VPS16: variants seen among roughly 807,000 people sequenced by gnomAD.
VPS16 encodes the protein VPS16 core subunit of CORVET and HOPS complexes.
In VPS16, 82 loss-of-function variants were observed where a neutral mutation model predicts 116.0. The ratio of observed to expected loss-of-function variants is 0.71; its 90% CI spans 0.59 to 0.85. The LOEUF is 0.85. Ranked by LOEUF, VPS16 falls within the 40% of genes least tolerant of loss-of-function variation. The pLI is 0.00. For synonymous variants in VPS16, 406 were observed against 420.7 expected, an observed-to-expected ratio of 0.96 and a Z score of 0.43; for missense variants, 928 against 1,090.6, an observed-to-expected ratio of 0.85 and a Z score of 2.10.
chr20:2,864,903 G>A lies in VPS16; in HGVS notation c.1927-75G>A. 1.3e-6 allele frequency: 2 copies of A among 1,594,784 alleles called. No homozygotes were observed. The highest frequency in any genetic ancestry group is 1.7e-6 in the Non-Finnish European group (2 of 1,164,412). ...CGACCCTGGGCACAGGGATGGGGGA[G>A]AAGACTGTAGCCTGGGTGAGGAGGG... On this transcript the variant is annotated intron_variant, in intron 19 of 23. Transcript: ENST00000380445. This position sits in a 1 kb window ranked among gnomAD's most constrained non-coding sequence, Gnocchi z 5.2.
intron 12 of VPS16, 48 bp from the exon 13 acceptor site, chr20:2,862,759 G>GGGC: frequency 7.7e-6 from 6 of 777,184 alleles, no homozygotes; most frequent in Non-Finnish European, 1.3e-5. Flanking sequence ...GAGGGGGTGG[G>GGGC]ATGGGCAGCA....
rs2089327208 is a variant in VPS16 at position 2,865,697 on chromosome 20, T to C, written c.2271+202T>C. 1.3e-5 allele frequency among the ~76,000 whole-genome samples: 2 copies of C among 152,198 alleles called. No individual in the cohort carries two copies. Among genetic ancestry groups the C allele is most frequent in the Admixed American group, 6.5e-5 (1 of 15,286 alleles). On this transcript the variant is annotated intron_variant, in intron 22 of 23. Transcript: ENST00000380445. The surrounding 1 kb of genome is among the most constrained non-coding windows in gnomAD (Gnocchi z 5.2). ...ACTGGAGGATGGGTCCAAGTTTGCC[T>C]GCAGATGTTACGGGGAGAGAGAATG...
chr20:2,861,435 C>T (rs2089226452), intron 8 of VPS16, among the ~76,000 whole-genome samples, 155 bp downstream of exon 8: 1 of 152,182 alleles, frequency 6.6e-6, no homozygotes, highest in Admixed American at 6.5e-5. Context: ...AACCATTGTC[C>T]TCTGTGGGCC....
At chr20:2,861,527 G>A in intron 8 of VPS16, 88 bp from the exon 9 acceptor site, 1 of 1,470,384 alleles carries the variant, frequency 6.8e-7, no homozygotes, top group Non-Finnish European at 9.2e-7. Flanking sequence ...GTGTATACAG[G>A]CTGTCCCGAG....
At chr20:2,849,354 G>A (rs1456885183) in intron 1 of VPS16, among the ~76,000 whole-genome samples, 2 of 145,008 alleles carry the variant, frequency 1.4e-5, no homozygotes, top group East Asian at 2.0e-4. Flanking sequence ...AGACTGTAGT[G>A]CAATGGCACG....
intron 1 of VPS16, among the ~76,000 whole-genome samples, chr20:2,857,546 G>A (rs2089185121): frequency 6.7e-6 from 1 of 149,186 alleles, no homozygotes; most frequent in East Asian, 2.0e-4. Flanking sequence ...TCACTCTGTC[G>A]CCCAGGCAGC....
chr20:2,864,174 C>T lies in VPS16; in HGVS notation c.1612-5C>T, dbSNP rs1246426900. On this transcript the variant is annotated splice_polypyrimidine_tract_variant and splice_region_variant and intron_variant, in intron 16 of 23. Coordinates refer to ENST00000380445, the MANE Select transcript of VPS16 (RefSeq NM_022575.4). This position sits in a 1 kb window ranked among gnomAD's most constrained non-coding sequence, Gnocchi z 5.2. The stretch of plus-strand genomic sequence containing the variant: ...TCTCTCTGTGCCTTCCTTCTCACCT[C>T]ACAGCTGCTGGAGTATGAGCCACGC... 3 of 1,614,206 alleles carry T rather than the reference C, an allele frequency of 1.9e-6. No homozygotes were observed. The highest frequency in any genetic ancestry group is 1.3e-5 in the African/African-American group (1 of 75,068).
At chr20:2,840,885 G>A (rs921442638) in intron 1 of VPS16, 58 bp downstream of exon 1, 3 of 1,503,390 alleles carry the variant, frequency 2.0e-6, no homozygotes, top group Admixed American at 2.0e-5. Context: ...CCGCCGGCTG[G>A]AGTCTCCCGG....
chr20:2,864,894 G>A lies in VPS16; in HGVS notation c.1927-84G>A, dbSNP rs2089302879. The A allele has an allele frequency of 4.4e-6, 7 of 1,581,992 alleles. No homozygotes were observed. The highest frequency in any genetic ancestry group is 1.3e-5 in the African/African-American group (1 of 74,240). ...TGACCCTGGCGACCCTGGGCACAGGGATGGGGGAGAAGACTGTAGCCTGGG... is the reference window on the plus strand; with the variant it reads ...TGACCCTGGCGACCCTGGGCACAGGAATGGGGGAGAAGACTGTAGCCTGGG... On this transcript the variant is annotated intron_variant, in intron 19 of 23. Coordinates refer to ENST00000380445, the MANE Select transcript of VPS16 (RefSeq NM_022575.4). This position sits in a 1 kb window ranked among gnomAD's most constrained non-coding sequence, Gnocchi z 5.2.
In VPS16 at chr20:2,860,888, G is replaced by A; in HGVS notation, c.630+25G>A. 1 of 1,614,126 alleles carries A rather than the reference G, an allele frequency of 6.2e-7. No individual in the cohort carries two copies. Among genetic ancestry groups the A allele is most frequent in the Non-Finnish European group, 8.5e-7 (1 of 1,180,050 alleles). On this transcript the variant is annotated intron_variant, in intron 6 of 23. Coordinates refer to ENST00000380445, the MANE Select transcript of VPS16 (RefSeq NM_022575.4). This position sits in a 1 kb window ranked among gnomAD's most constrained non-coding sequence, Gnocchi z 6.1. ...GGTAAGGGCCCTGAGTGGGAATGAAGTGGACGGGCTGGGTTAGGCAATAGG... is the reference window on the plus strand; with the variant it reads ...GGTAAGGGCCCTGAGTGGGAATGAAATGGACGGGCTGGGTTAGGCAATAGG...
At position 2,865,477 on chromosome 20, in the gene VPS16, A is replaced by G. The variant is rs761576596; in HGVS notation, c.2253A>G (p.Lys751=). 5.7e-5 allele frequency: 92 copies of G among 1,613,878 alleles called. No individual in the cohort carries two copies. The highest frequency in any genetic ancestry group is 7.5e-5 in the Non-Finnish European group (89 of 1,179,998). Residue 751 remains lysine, a synonymous_variant, in exon 22 of 24, where the codon AAA becomes AAG. Coordinates refer to ENST00000380445, the MANE Select transcript of VPS16 (RefSeq NM_022575.4). This position sits in a 1 kb window ranked among gnomAD's most constrained non-coding sequence, Gnocchi z 5.2. ...TAGAGAAGTTTTCCAAGAGCAAGAA[A>G]TCACCCATTGGCTACCTGGTGAGGC... ...EELEKFSKSK[K]SPIGYLPFVE... is the part of the protein sequence containing the mutation.
intron 8 of VPS16, 40 bp from the exon 9 acceptor site, chr20:2,861,575 A>G: frequency 6.4e-7 from 1 of 1,571,318 alleles, no homozygotes; most frequent in Non-Finnish European, 8.6e-7. Context: ...AGACATGGCC[A>G]TGGGACAGTG....
rs767692351 is a variant in VPS16 at position 2,864,509 on chromosome 20, G to A, written c.1819-38G>A. On this transcript the variant is annotated intron_variant, in intron 18 of 23. Transcript: ENST00000380445. This position sits in a 1 kb window ranked among gnomAD's most constrained non-coding sequence, Gnocchi z 5.2. ...GTGGTGTAGCCTTCTGAGCACTTGA[G>A]TTGGCCTTGCTGACTGATTGCCTGC... 1.3e-5 allele frequency: 21 copies of A among 1,614,144 alleles called. No individual in the cohort carries two copies. The highest frequency in any genetic ancestry group is 1.7e-5 in the Non-Finnish European group (20 of 1,180,008).
chr20:2,859,900 T>G, intron 2 of VPS16, 93 bp downstream of exon 2: 3 of 1,488,200 alleles, frequency 2.0e-6, no homozygotes, highest in Non-Finnish European at 2.8e-6. Context: ...TTGTTCTTGT[T>G]GCCACCCCCC....
rs375923174 is a variant in VPS16 at position 2,845,007 on chromosome 20, GGTGTGTGTGTGT to G, written c.53+4205_53+4216del. Among the ~76,000 whole-genome samples, 88 of 144,112 alleles carry G rather than the reference GGTGTGTGTGTGT, an allele frequency of 6.1e-4. 1 individual carries two copies. In the South Asian group the frequency reaches 0.018, roughly 29 times the overall value. The allele number at this position is 144,112 out of a possible 152,430, so 94.5% of individuals were successfully genotyped here. Reference sequence around the variant, plus strand: ...GGTTGATGTAATTGGATTTGCAAGGGGTGTGTGTGTGTGTGTGTGTGTGTGTGTGTGTGTGTT... The same window carrying G: ...GGTTGATGTAATTGGATTTGCAAGGGGTGTGTGTGTGTGTGTGTGTGTGTT... On this transcript the variant is annotated intron_variant, in intron 1 of 23. Transcript: ENST00000380445.
At chr20:2,856,330 A>G (rs1345614183) in intron 1 of VPS16, among the ~76,000 whole-genome samples, 1 of 152,244 alleles carries the variant, frequency 6.6e-6, no homozygotes, top group East Asian at 1.9e-4. Flanking sequence ...TAGTAGTAAC[A>G]TCACTGATCA....
At position 2,864,039 on chromosome 20, in the gene VPS16, G is replaced by A. The variant is rs1225145502; in HGVS notation, c.1567G>A (p.Ala523Thr). Reference protein sequence around the residue: ...DTPGVSYSDIAARAYGCGRTE... With the variant: ...DTPGVSYSDITARAYGCGRTE... ...GCCTGGTGTCTCTTACTCCGACATTGCTGCACGAGCCTATGGTTGTGGCCG... is the reference window on the plus strand; with the variant it reads ...GCCTGGTGTCTCTTACTCCGACATTACTGCACGAGCCTATGGTTGTGGCCG... The change falls in exon 16 of 24, where the codon GCT (alanine) becomes ACT (threonine). Residue 523 changes from alanine to threonine, a missense_variant. By Grantham distance (58) the Ala-to-Thr change is moderately conservative. Transcript: ENST00000380445. This position sits in a 1 kb window ranked among gnomAD's most constrained non-coding sequence, Gnocchi z 5.2. 2.5e-6 allele frequency: 4 copies of A among 1,614,070 alleles called. No individual in the cohort carries two copies. The Admixed American group carries it at 6.7e-5, about 27-fold the overall frequency.
chr20:2,862,635 G>A lies in VPS16; in HGVS notation c.1128G>A (p.Leu376=). 1.2e-6 allele frequency: 2 copies of A among 1,613,350 alleles called. No individual in the cohort carries two copies. Among genetic ancestry groups the A allele is most frequent in the Non-Finnish European group, 1.7e-6 (2 of 1,179,956 alleles). The change falls in exon 12 of 24, where the codon CTG becomes CTA. Residue 376 remains leucine, a synonymous_variant. Coordinates refer to ENST00000380445, the MANE Select transcript of VPS16 (RefSeq NM_022575.4). ...GGGAGATCCAGGAGCTGGGCCAGCTGACCCAGGCCGTGCAGCAGTGCATTG... is the reference window on the plus strand; with the variant it reads ...GGGAGATCCAGGAGCTGGGCCAGCTAACCCAGGCCGTGCAGCAGTGCATTG... ...YLREIQELGQ[L]TQAVQQCIEA... is the part of the protein sequence containing the mutation.
At position 2,865,414 on chromosome 20, in the gene VPS16, G is replaced by A. The variant is rs1402152828; in HGVS notation, c.2190G>A (p.Lys730=). Residue 730 remains lysine (K), a synonymous_variant, in exon 22 of 24, where the codon AAG becomes AAA. Coordinates refer to ENST00000380445, the MANE Select transcript of VPS16 (RefSeq NM_022575.4). The surrounding 1 kb of genome is among the most constrained non-coding windows in gnomAD (Gnocchi z 5.2). ...TTTCCTGCAGGCTCTGGTGGCTGAA[G>A]CTGACTGCCCTGGCAGATTTGGAAG... ...RIPDKRLWWL[K]LTALADLEDW... 6.2e-7 allele frequency: 1 copy of A among 1,614,180 alleles called. No homozygotes were observed.
Sources: allele counts gnomAD v4.1 joint callset (sites outside exome capture counted in the v4.1 genomes callset), GRCh38; gene constraint gnomAD v4.1.1; non-coding constraint Gnocchi (gnomAD v3.1); transcripts MANE v1.5; gene names NCBI Gene and HGNC (gene_info 2026-07-23, HGNC 2026-07-21).